Variants in ITPK1 observed in about 807,000 individuals in gnomAD.
ITPK1 encodes inositol-tetrakisphosphate 1-kinase, also known as inositol 1,3,4-trisphosphate 5/6-kinase.
In ITPK1, 21 loss-of-function variants were observed where a neutral mutation model predicts 45.3. The observed-to-expected ratio is 0.46, with a 90% CI of 0.33 to 0.67. The LOEUF (loss-of-function observed/expected upper bound fraction) is 0.67. Ranked by LOEUF, ITPK1 falls within the 30% of genes least tolerant of loss-of-function variation. The pLI is 0.02. For missense variants in ITPK1, 474 were observed against 573.5 expected (o/e 0.83, Z 1.77); for synonymous variants, 258 against 253.6 (o/e 1.02, Z -0.16).
chr14:92,953,219 C>A (rs964167415), intron 8 of ITPK1, among the ~76,000 whole-genome samples: 1 of 152,366 alleles, frequency 6.6e-6, no homozygotes, highest in African/African-American at 2.4e-5. Flanking sequence ...CGGGCGGAAG[C>A]CAAGCAGGCA....
At chr14:93,107,395 A>G (rs569041875) in intron 2 of ITPK1, among the ~76,000 whole-genome samples, 3 of 152,358 alleles carry the variant, frequency 2.0e-5, no homozygotes, top group South Asian at 4.1e-4. Flanking sequence ...AAGCAGGACA[A>G]TGAGCAAGTC....
chr14:92,963,119 A>G (rs1417918498), intron 5 of ITPK1, among the ~76,000 whole-genome samples: 1 of 152,274 alleles, frequency 6.6e-6, no homozygotes, highest in Admixed American at 6.5e-5. Flanking sequence ...AAAAATGTAC[A>G]TATTGACAAG....
chr14:93,061,489 G>C (rs1890522634), intron 3 of ITPK1, among the ~76,000 whole-genome samples: 1 of 152,154 alleles, frequency 6.6e-6, no homozygotes, highest in Non-Finnish European at 1.5e-5. Context: ...AGAGAGAGTG[G>C]GTCTGGGGCA....
rs943820474 is a variant in ITPK1 at position 93,036,545 on chromosome 14, G to A, written c.121-19744C>T. Among the ~76,000 whole-genome samples the A allele has an allele frequency of 1.3e-5, 2 of 151,710 alleles. No individual in the cohort carries two copies. Among genetic ancestry groups the A allele is most frequent in the Non-Finnish European group, 2.9e-5 (2 of 67,924 alleles). On this transcript the variant is annotated intron_variant, in intron 3 of 10. Transcript: ENST00000267615. This position sits in a 1 kb window ranked among gnomAD's most constrained non-coding sequence, Gnocchi z 4.1. The stretch of plus-strand genomic sequence containing the variant: ...CCCACGGCTCTTGCTGTTTGCTGGT[G>A]GCAGCCTCTCCACACCCCCTAACCC...
chr14:93,038,110 T>C (rs752817297), intron 3 of ITPK1, among the ~76,000 whole-genome samples: 9 of 151,954 alleles, frequency 5.9e-5, no homozygotes, highest in Non-Finnish European at 1.3e-4. Flanking sequence ...TAGAGTGCAA[T>C]GGCACAGTCT....
chr14:92,960,509 A>C (rs1214764862), intron 7 of ITPK1, among the ~76,000 whole-genome samples: 1 of 152,324 alleles, frequency 6.6e-6, no homozygotes, highest in East Asian at 1.9e-4. Flanking sequence ...TAATTTGCCA[A>C]AGTCGCACAA....
At chr14:93,087,378 G>A (rs776010657) in intron 2 of ITPK1, among the ~76,000 whole-genome samples, 3 of 152,226 alleles carry the variant, frequency 2.0e-5, no homozygotes, top group Non-Finnish European at 2.9e-5. Flanking sequence ...GCCAAGAGCA[G>A]TGGCACATGC....
At chr14:93,098,613 C>G (rs1892184603) in intron 2 of ITPK1, among the ~76,000 whole-genome samples, 1 of 152,134 alleles carries the variant, frequency 6.6e-6, no homozygotes, top group African/African-American at 2.4e-5. Flanking sequence ...AACTCATTTC[C>G]CAGAGCCTTT....
intron 3 of ITPK1, among the ~76,000 whole-genome samples, chr14:93,045,601 G>A (rs1362058915): frequency 4.6e-5 from 7 of 152,118 alleles, no homozygotes; most frequent in African/African-American, 9.7e-5. Flanking sequence ...GCTGAAGTGC[G>A]CTATGATTGC....
intron 4 of ITPK1, among the ~76,000 whole-genome samples, chr14:93,003,176 T>A (rs1307096889): frequency 1.3e-5 from 2 of 152,104 alleles, no homozygotes; most frequent in African/African-American, 4.8e-5. Flanking sequence ...TCAAGAGCAG[T>A]TGTACTTTCG....
rs144293345 is a variant in ITPK1, at chr14:92,959,178, G to A, written c.505-812C>T. On this transcript the variant is annotated intron_variant, in intron 7 of 10. Coordinates refer to ENST00000267615, the MANE Select transcript of ITPK1 (RefSeq NM_014216.6). ...CAGCTGCCAAAACCCTCTCAGCCCC[G>A]GCCAGCACGGGCTCTGCACAGGGTC... is the stretch of plus-strand genomic sequence containing the variant. Among the ~76,000 whole-genome samples the A allele has an allele frequency of 9.3e-4, 141 of 152,274 alleles. 2 individuals carry two copies. The East Asian group carries it at 0.015, about 16-fold the overall frequency.
chr14:93,070,914 T>G (rs1890969847), intron 3 of ITPK1: 1 of 153,752 alleles, frequency 6.5e-6, no homozygotes, highest in African/African-American at 2.4e-5. Context: ...ACTGAAATGG[T>G]GGAGTCAGGG....
intron 3 of ITPK1, among the ~76,000 whole-genome samples, chr14:93,056,770 A>G (rs559913754): frequency 1.7e-3 from 262 of 152,314 alleles, no homozygotes; most frequent in African/African-American, 6.1e-3. Flanking sequence ...TGCCATAAAC[A>G]ACTCTGACAG....
rs547996745 is a variant in ITPK1 at position 92,973,790 on chromosome 14, T to C, written c.365-10941A>G. The stretch of plus-strand genomic sequence containing the variant: ...AGGGGGATGCCAGGAAGGGCCCGGG[T>C]GAGAGGCCCCGGGATGCAAGCGACA... On this transcript the variant is annotated intron_variant, in intron 5 of 10. Transcript: ENST00000267615. 2.0e-4 allele frequency among the ~76,000 whole-genome samples: 31 copies of C among 152,070 alleles called. No homozygotes were observed. The East Asian group carries it at 5.6e-3, about 27-fold the overall frequency.
intron 3 of ITPK1, among the ~76,000 whole-genome samples, chr14:93,021,599 A>AAAAAAAAAAAG (rs1456123679): frequency 1.4e-5 from 2 of 142,632 alleles, no homozygotes; most frequent in African/African-American, 5.0e-5. Flanking sequence ...TCTCAAAAAA[A>AAAAAAAAAAAG]AAAAGAAAAG....
intron 2 of ITPK1, among the ~76,000 whole-genome samples, chr14:93,107,611 T>TG (rs1892575887): frequency 1.3e-5 from 2 of 151,208 alleles, no homozygotes; most frequent in African/African-American, 4.9e-5. Flanking sequence ...ATTAACAGGG[T>TG]GGGGCACCCA....
In ITPK1 at chr14:92,937,631, A is replaced by G. The variant is rs569494603; in HGVS notation, c.*3930T>C. ...AACCACACTGACAATGGCTGTGCAG[A>G]GAGAAGGTACACAGCACAGACCCTT... On this transcript the variant is annotated 3_prime_UTR_variant, in exon 11 of 11. Coordinates refer to ENST00000267615, the MANE Select transcript of ITPK1 (RefSeq NM_014216.6). 1 of 152,392 alleles carries G rather than the reference A, an allele frequency of 6.6e-6. No individual in the cohort carries two copies. The highest frequency in any genetic ancestry group is 1.5e-5 in the Non-Finnish European group (1 of 68,162). The allele number at this position is 152,392 out of a possible 1,614,324, so 9.4% of individuals were successfully genotyped here. A position where few individuals can be genotyped will look rare whatever the true frequency, so the allele number is the denominator to read the frequency against.
chr14:93,090,504 C>T (rs556822295), intron 2 of ITPK1, among the ~76,000 whole-genome samples: 19 of 152,264 alleles, frequency 1.2e-4, no homozygotes, highest in African/African-American at 4.3e-4. Context: ...CCTAAATGTC[C>T]AGCCCGTATC....
chr14:93,102,322 C>T (rs970259858), intron 2 of ITPK1, among the ~76,000 whole-genome samples: 1 of 152,272 alleles, frequency 6.6e-6, no homozygotes, highest in Non-Finnish European at 1.5e-5. Flanking sequence ...TGCTTGGGAG[C>T]TGACTGTGCA....
Sources: allele counts gnomAD v4.1 joint callset (sites outside exome capture counted in the v4.1 genomes callset), GRCh38; gene constraint gnomAD v4.1.1; non-coding constraint Gnocchi (gnomAD v3.1); transcripts MANE v1.5; gene names NCBI Gene and HGNC (gene_info 2026-07-23, HGNC 2026-07-21).